Variants in TTC17 observed in about 807,000 individuals in gnomAD.
TTC17 encodes the protein tetratricopeptide repeat protein 17.
In TTC17, 58 loss-of-function variants were observed where a neutral mutation model predicts 143.8. The ratio of observed to expected loss-of-function variants is 0.40; its 90% confidence interval spans 0.33 to 0.50. TTC17 has a LOEUF of 0.50. Among genes scored for constraint, TTC17 ranks in the 20% least tolerant of loss-of-function variants. The pLI is 0.49. For missense variants in TTC17, 1,273 were observed against 1,392.5 expected (o/e 0.91, Z 1.37); for synonymous variants, 501 against 497.8 (o/e 1.01, Z -0.09).
chr11:43,381,392 C>CTATA (rs1856962453), intron 2 of TTC17, among the ~76,000 whole-genome samples: 1 of 152,094 alleles, frequency 6.6e-6, no homozygotes. Context: ...CAGGAGCAGA[C>CTATA]TATAGTAGTG....
At position 43,405,580 on chromosome 11, in the gene TTC17, G is replaced by A. The variant is rs1858082043; in HGVS notation, c.1546G>A (p.Gly516Ser). Residue 516 changes from glycine to serine, a missense_variant, in exon 12 of 24, where the codon GGT (glycine) becomes AGT (serine). Around this residue, in one of 3 missense-constraint regions of TTC17, gnomAD observed 878 missense variants for 899.8 expected, o/e 0.98. Coordinates refer to ENST00000039989, the MANE Select transcript of TTC17 (RefSeq NM_018259.6). ...AGAAAGCTACCCTAGAGTCCCTGTT[G>A]GTGGGGAATTGCCAACGTATTTTCT... The part of the protein sequence containing the change: ...CTESYPRVPV[G>S]GELPTYFLPP... 1 of 1,613,982 alleles carries A rather than the reference G, an allele frequency of 6.2e-7. No homozygotes were observed. The highest frequency in any genetic ancestry group is 8.5e-7 in the Non-Finnish European group (1 of 1,179,914).
At chr11:43,410,092 A>G (rs1454947289) in intron 15 of TTC17, among the ~76,000 whole-genome samples, 2 of 152,052 alleles carry the variant, frequency 1.3e-5, no homozygotes, top group East Asian at 3.9e-4. Flanking sequence ...ACCTCAAGTG[A>G]TCCGCCCGCC....
intron 16 of TTC17, among the ~76,000 whole-genome samples, chr11:43,421,885 A>G (rs1250580932): frequency 6.9e-6 from 1 of 143,892 alleles, no homozygotes; most frequent in Non-Finnish European, 1.5e-5. Flanking sequence ...CTACGAAAGC[A>G]GCCCCTGGTG....
intron 21 of TTC17, among the ~76,000 whole-genome samples, chr11:43,458,167 A>G (rs1947798992): frequency 6.6e-6 from 1 of 152,114 alleles, no homozygotes; most frequent in African/African-American, 2.4e-5. Context: ...TCTTCTGCTG[A>G]TCTCACGTGA....
At chr11:43,389,433 T>A (rs1332400007) in intron 2 of TTC17, among the ~76,000 whole-genome samples, 1 of 152,158 alleles carries the variant, frequency 6.6e-6, no homozygotes, top group African/African-American at 2.4e-5. Context: ...CCCATGTGTG[T>A]CAGTATGATA....
At chr11:43,416,015 TA>T (rs1215319262) in intron 16 of TTC17, among the ~76,000 whole-genome samples, 1 of 152,178 alleles carries the variant, frequency 6.6e-6, no homozygotes, top group Admixed American at 6.5e-5. Context: ...TATTTATGGA[TA>T]CATAATAGTT....
intron 13 of TTC17, among the ~76,000 whole-genome samples, chr11:43,406,449 T>C (rs10838100): frequency 0.35 from 53,938 of 151,958 alleles, 11,133 homozygotes; most frequent in East Asian, 0.75. Context: ...AAATTCCTAT[T>C]AATTATATAT....
chr11:43,387,488 A>T (rs1288617039), intron 2 of TTC17, among the ~76,000 whole-genome samples: 1 of 152,004 alleles, frequency 6.6e-6, no homozygotes, highest in East Asian at 1.9e-4. Flanking sequence ...TTGGAAACAG[A>T]TCATAGGCTC....
At position 43,362,552 on chromosome 11, in the gene TTC17, G is replaced by C. The variant is rs139202597; in HGVS notation, c.159+3439G>C. 2.0e-3 allele frequency among the ~76,000 whole-genome samples: 299 copies of C among 152,322 alleles called. 3 individuals carry two copies. Among genetic ancestry groups the C allele is most frequent in the Non-Finnish European group, 9.1e-4 (62 of 68,026 alleles). The stretch of plus-strand genomic sequence containing the variant: ...TGCAGGCAACCTCTTCACAGTCAGA[G>C]CTGGGGCTGCTGCAGGCAGCAGCTG... On this transcript the variant is annotated intron_variant, in intron 1 of 23. Coordinates refer to ENST00000039989, the MANE Select transcript of TTC17 (RefSeq NM_018259.6).
intron 15 of TTC17, 95 bp from the exon 16 acceptor site, chr11:43,414,495 C>T (rs1946731843): frequency 1.3e-5 from 17 of 1,329,232 alleles, no homozygotes; most frequent in Non-Finnish European, 1.5e-5. Flanking sequence ...TATGGGGTAA[C>T]CTAAAAAGAG....
At chr11:43,468,658 G>A (rs1948028716) in intron 21 of TTC17, among the ~76,000 whole-genome samples, 1 of 152,010 alleles carries the variant, frequency 6.6e-6, no homozygotes, top group Admixed American at 6.6e-5. Flanking sequence ...TTCTCAGCTG[G>A]GCATGGTGGC....
chr11:43,484,209 G>GAT (rs1948338960), intron 21 of TTC17, among the ~76,000 whole-genome samples: 1 of 152,098 alleles, frequency 6.6e-6, no homozygotes, highest in Non-Finnish European at 1.5e-5. Context: ...ATTCAGAGGT[G>GAT]ATATGATTAT....
At chr11:43,397,525 AG>A in intron 7 of TTC17, 34 bp downstream of exon 7, 1 of 1,472,194 alleles carries the variant, frequency 6.8e-7, no homozygotes, top group Non-Finnish European at 9.1e-7. Context: ...GAGTCATGCT[AG>A]TTGCCACTTT....
chr11:43,389,905 A>AGG, intron 3 of TTC17, 84 bp downstream of exon 3: 1 of 1,278,294 alleles, frequency 7.8e-7, no homozygotes, highest in Admixed American at 2.4e-5. Flanking sequence ...TTCTGTAATA[A>AGG]GGGTAAGCTT....
At chr11:43,388,565 A>G (rs1857257099) in intron 2 of TTC17, among the ~76,000 whole-genome samples, 1 of 151,106 alleles carries the variant, frequency 6.6e-6, no homozygotes, top group Admixed American at 6.6e-5. Flanking sequence ...TGAGCTGGGC[A>G]TGGTGTCTTA....
intron 6 of TTC17, 84 bp downstream of exon 6, chr11:43,396,902 C>A (rs1857614320): frequency 5.9e-6 from 4 of 680,314 alleles, no homozygotes; most frequent in South Asian, 6.1e-5. Context: ...CAGTAAGAAG[C>A]AACATTGCAT....
chr11:43,490,025 C>G (rs529917410), intron 21 of TTC17: 57 of 420,940 alleles, frequency 1.4e-4, no homozygotes, highest in Non-Finnish European at 2.1e-4. Context: ...TCATAGTTTT[C>G]TCATTTATAG....
chr11:43,410,260 C>T (rs531277679), intron 15 of TTC17, among the ~76,000 whole-genome samples: 2 of 151,804 alleles, frequency 1.3e-5, no homozygotes, highest in South Asian at 2.1e-4. Flanking sequence ...TCTTTAACTC[C>T]ATCTCTCATG....
intron 21 of TTC17, among the ~76,000 whole-genome samples, chr11:43,461,714 C>A (rs955529126): frequency 6.6e-6 from 1 of 152,048 alleles, no homozygotes; most frequent in Admixed American, 6.5e-5. Context: ...TGAGGAGTTT[C>A]AATTTTATGT....
Sources: gnomAD v4.1 joint callset for allele counts (sites outside exome capture counted in the v4.1 genomes callset) on GRCh38, gnomAD v4.1.1 for gene constraint, gnomAD v4.1.1 regional missense constraint, MANE v1.5 for transcripts, NCBI Gene and HGNC (gene_info 2026-07-23, HGNC 2026-07-21) for gene names.